IQUB: variants seen among roughly 807,000 people sequenced by gnomAD.
IQUB encodes the protein IQ motif and ubiquitin domain containing.
A neutral mutation model predicts 86.4 loss-of-function variants in IQUB; 86 were observed. That is an observed-to-expected ratio of 1.00 (90% CI 0.84 to 1.19). The LOEUF (loss-of-function observed/expected upper bound fraction) is 1.19, where lower values mean the gene tolerates loss of function less well. Ranked by LOEUF, IQUB falls within the 50% of genes most tolerant of loss-of-function variation. The pLI, the probability that IQUB is intolerant of heterozygous loss-of-function variation, is 0.00. For synonymous variants in IQUB, 289 were observed against 304.5 expected (o/e 0.95, Z 0.53); for missense variants, 946 against 916.9 (o/e 1.03, Z -0.41).
At chr7:123,494,562 T>C (rs1200129099) in intron 7 of IQUB, among the ~76,000 whole-genome samples, 1 of 152,100 alleles carries the variant, frequency 6.6e-6, no homozygotes, top group Non-Finnish European at 1.5e-5. Context: ...GTCTCTTTTA[T>C]ATAAGAAACT....
intron 6 of IQUB, among the ~76,000 whole-genome samples, chr7:123,497,740 G>T (rs933325897): frequency 1.3e-5 from 2 of 150,354 alleles, no homozygotes; most frequent in Admixed American, 1.3e-4. Context: ...ATGTAAAGCA[G>T]ATATCGACAA....
chr7:123,494,818 G>A (rs749828919), intron 7 of IQUB, among the ~76,000 whole-genome samples: 4 of 151,990 alleles, frequency 2.6e-5, no homozygotes, highest in Non-Finnish European at 5.9e-5. Context: ...TGAAGAAATC[G>A]AGGTTTAGGA....
At chr7:123,474,020 A>G (rs1794651608) in intron 8 of IQUB, among the ~76,000 whole-genome samples, 1 of 152,178 alleles carries the variant, frequency 6.6e-6, no homozygotes, top group Admixed American at 6.5e-5. Flanking sequence ...ATTATAATCT[A>G]TTAGTTCAAT....
At chr7:123,473,887 GT>G (rs1226445781) in intron 8 of IQUB, among the ~76,000 whole-genome samples, 4 of 151,926 alleles carry the variant, frequency 2.6e-5, no homozygotes, top group Non-Finnish European at 5.9e-5. Flanking sequence ...GCCCAGCCAA[GT>G]TTTTAATATT....
chr7:123,456,454 A>C (rs568563772), intron 12 of IQUB, among the ~76,000 whole-genome samples: 1 of 152,224 alleles, frequency 6.6e-6, no homozygotes, highest in South Asian at 2.1e-4. Flanking sequence ...CCTAGAGTGA[A>C]ATTTTTCTTA....
chr7:123,516,779 T>C (rs997400599), intron 1 of IQUB, among the ~76,000 whole-genome samples: 1 of 152,288 alleles, frequency 6.6e-6, no homozygotes, highest in Admixed American at 6.5e-5. Flanking sequence ...TTTTAAAAAT[T>C]AGATAAGACA....
At chr7:123,517,479 CGA>C (rs1796694813) in intron 1 of IQUB, among the ~76,000 whole-genome samples, 1 of 125,314 alleles carries the variant, frequency 8.0e-6, no homozygotes, top group Admixed American at 1.1e-4. Context: ...TGCAGTGAGC[CGA>C]GATTGCGCCA....
intron 8 of IQUB, among the ~76,000 whole-genome samples, chr7:123,474,868 G>A (rs541338600): frequency 2.4e-4 from 37 of 152,198 alleles, no homozygotes; most frequent in East Asian, 1.5e-3. Flanking sequence ...TATCAGCTGG[G>A]GTAACTGTGG....
At chr7:123,485,506 T>A (rs1419603417) in intron 7 of IQUB, among the ~76,000 whole-genome samples, 2 of 152,144 alleles carry the variant, frequency 1.3e-5, no homozygotes, top group Non-Finnish European at 1.5e-5. Flanking sequence ...CAAATATTTT[T>A]AAGCAAAAGA....
chr7:123,452,836 A>AAAT lies in IQUB; in HGVS notation c.2280_2282dup (p.Ser760_Phe761insLeu). 6.2e-7 allele frequency: 1 copy of AAAT among 1,613,558 alleles called. No homozygotes were observed. The highest frequency in any genetic ancestry group is 8.5e-7 in the Non-Finnish European group (1 of 1,179,574). On this transcript the variant is annotated inframe_insertion, in exon 13 of 13. Transcript: ENST00000324698. ...CATCAATTTCACCATCATCAAGTAT[A>AAAT]AATGAAGCCAGCACTGGAACCTGAG...
chr7:123,458,853 G>A (rs1436407009), intron 11 of IQUB, among the ~76,000 whole-genome samples: 3 of 152,004 alleles, frequency 2.0e-5, no homozygotes, highest in South Asian at 4.1e-4. Flanking sequence ...ACAGATAAAC[G>A]AGGTGACTAG....
chr7:123,490,025 G>T (rs1795388327), intron 7 of IQUB, among the ~76,000 whole-genome samples: 1 of 151,678 alleles, frequency 6.6e-6, no homozygotes. Flanking sequence ...AGTGAAAGAT[G>T]ACAAATTTAT....
chr7:123,466,025 C>T (rs1794244729), intron 9 of IQUB, among the ~76,000 whole-genome samples: 1 of 151,928 alleles, frequency 6.6e-6, no homozygotes, highest in Non-Finnish European at 1.5e-5. Context: ...TATTGAGGCC[C>T]TCCTCTTTGT....
At chr7:123,494,044 T>C (rs578254145) in intron 7 of IQUB, among the ~76,000 whole-genome samples, 1 of 152,238 alleles carries the variant, frequency 6.6e-6, no homozygotes, top group South Asian at 2.1e-4. Context: ...TCTGCATAAT[T>C]CTGCCTATAT....
At chr7:123,477,872 C>T (rs1794816693) in intron 8 of IQUB, among the ~76,000 whole-genome samples, 1 of 152,120 alleles carries the variant, frequency 6.6e-6, no homozygotes, top group Non-Finnish European at 1.5e-5. Context: ...CAGAGAAATG[C>T]AAATCAAAAC....
intron 10 of IQUB, 68 bp from the exon 11 acceptor site, chr7:123,461,673 C>A: frequency 2.3e-6 from 3 of 1,321,238 alleles, no homozygotes; most frequent in Non-Finnish European, 3.0e-6. Context: ...TGATCCTAAC[C>A]AATGGAAGCA....
intron 7 of IQUB, among the ~76,000 whole-genome samples, chr7:123,494,950 C>G (rs537750406): frequency 6.6e-6 from 1 of 152,126 alleles, no homozygotes; most frequent in South Asian, 2.1e-4. Context: ...CAATGGTATC[C>G]TTTAGTCACA....
chr7:123,522,026 A>G (rs1193881936), intron 1 of IQUB, among the ~76,000 whole-genome samples: 1 of 152,064 alleles, frequency 6.6e-6, no homozygotes, highest in Non-Finnish European at 1.5e-5. Flanking sequence ...GAAAGAAGCA[A>G]TCGGCCATGG....
At chr7:123,523,474 T>C (rs1269669664) in intron 1 of IQUB, among the ~76,000 whole-genome samples, 4 of 152,166 alleles carry the variant, frequency 2.6e-5, no homozygotes, top group Non-Finnish European at 5.9e-5. Context: ...CATTTTTTCA[T>C]GTGTTTTTTG....
Sources: allele counts gnomAD v4.1 joint callset (sites outside exome capture counted in the v4.1 genomes callset), GRCh38; gene constraint gnomAD v4.1.1; transcripts MANE v1.5; gene names NCBI Gene and HGNC (gene_info 2026-07-23, HGNC 2026-07-21).